TM6SF2: variants seen among roughly 807,000 people sequenced by gnomAD.
The protein encoded by TM6SF2 is transmembrane 6 superfamily member 2.
Under a neutral mutation model 41.0 loss-of-function variants are expected in TM6SF2, and 29 were observed. The ratio of observed to expected loss-of-function variants is 0.71; its 90% confidence interval spans 0.53 to 0.96. The LOEUF is 0.96. Ranked by LOEUF, TM6SF2 falls within the 50% of genes least tolerant of loss-of-function variation. The probability of loss-of-function intolerance (pLI) is 0.00; values close to 1 mark genes in which losing one functional copy is unlikely to be tolerated. For synonymous variants in TM6SF2, 200 were observed against 209.1 expected (o/e 0.96, Z 0.37); for missense variants, 475 against 499.0 (o/e 0.95, Z 0.46).
intron 6 of TM6SF2, 128 bp from the exon 7 acceptor site, chr19:19,268,215 T>G (rs528694697): frequency 1.5e-6 from 1 of 676,190 alleles, no homozygotes; most frequent in Admixed American, 3.3e-5. Context: ...TTTCTTTTTT[T>G]TTTTTTTTGA....
chr19:19,264,954 G>T, intron 9 of TM6SF2, 81 bp from the exon 10 acceptor site: 1 of 1,118,400 alleles, frequency 8.9e-7, no homozygotes, highest in Non-Finnish European at 1.2e-6. Flanking sequence ...CCCCCAGGTA[G>T]GTCAGGCAGA....
At chr19:19,273,058 T>TCCAGGCCCCCCC in intron 1 of TM6SF2, 63 bp downstream of exon 1, 9 of 470,238 alleles carry the variant, frequency 1.9e-5, no homozygotes, top group East Asian at 4.1e-5. Flanking sequence ...CCACCTCCAG[T>TCCAGGCCCCCCC]CCTCCCCGCC....
intron 1 of TM6SF2, 60 bp downstream of exon 1, chr19:19,273,061 T>TCCCCCCCCCCCCCCCCCCCCCCCCTTCC: frequency 3.3e-6 from 1 of 305,470 alleles, no homozygotes; most frequent in Non-Finnish European, 6.1e-6. Flanking sequence ...CCTCCAGTCC[T>TCCCCCCCCCCCCCCCCCCCCCCCCTTCC]CCCCGCCCCC....
At chr19:19,264,896 G>A (rs1477410700) in intron 9 of TM6SF2, 23 bp from the exon 10 acceptor site, 1 of 1,504,294 alleles carries the variant, frequency 6.6e-7, no homozygotes, top group Non-Finnish European at 8.9e-7. Context: ...CAGGGAAGAT[G>A]GATGTCAGGG....
intron 7 of TM6SF2, 77 bp downstream of exon 7, chr19:19,267,909 A>G: frequency 1.6e-6 from 2 of 1,217,214 alleles, no homozygotes; most frequent in Non-Finnish European, 2.4e-6. Context: ...TCAAACAGGA[A>G]GGGCAGTGTG....
At chr19:19,270,492 G>GTGGGGACACGTGTGGT in intron 2 of TM6SF2, 50 bp from the exon 3 acceptor site, 1 of 1,567,484 alleles carries the variant, frequency 6.4e-7, no homozygotes, top group Non-Finnish European at 8.6e-7. Flanking sequence ...ACACGTGTGG[G>GTGGGGACACGTGTGGT]TGGGGCTAGG....
chr19:19,266,345 C>A (rs1267156543), intron 9 of TM6SF2, 145 bp downstream of exon 9: 4 of 1,219,796 alleles, frequency 3.3e-6, no homozygotes, highest in Non-Finnish European at 4.6e-6. Flanking sequence ...CTCCCCTAGA[C>A]TAGGGAATCC....
chr19:19,266,000 G>A (rs1050750972), intron 9 of TM6SF2, among the ~76,000 whole-genome samples: 1 of 152,234 alleles, frequency 6.6e-6, no homozygotes, highest in Non-Finnish European at 1.5e-5. Context: ...TCCTAGCTCT[G>A]ACTGGGCCCC....
At chr19:19,267,770 C>G in intron 7 of TM6SF2, 57 bp from the exon 8 acceptor site, 1 of 1,521,876 alleles carries the variant, frequency 6.6e-7, no homozygotes, top group Non-Finnish European at 9.0e-7. Flanking sequence ...GGAAGCCTCC[C>G]CCACCCTCCC....
intron 5 of TM6SF2, 137 bp downstream of exon 5, chr19:19,269,550 G>C: frequency 9.6e-7 from 1 of 1,047,060 alleles, no homozygotes; most frequent in Non-Finnish European, 1.4e-6. Context: ...GCTGACTGAG[G>C]CTGTGGACAC....
At chr19:19,265,867 C>T (rs1240829858) in intron 9 of TM6SF2, among the ~76,000 whole-genome samples, 1 of 152,186 alleles carries the variant, frequency 6.6e-6, no homozygotes, top group Non-Finnish European at 1.5e-5. Flanking sequence ...GATCCTCCTC[C>T]CAGTCTTCCC....
intron 2 of TM6SF2, 40 bp from the exon 3 acceptor site, chr19:19,270,482 A>G (rs1213284856): frequency 6.3e-7 from 1 of 1,581,974 alleles, no homozygotes. Flanking sequence ...GTGGGAGGGG[A>G]CACGTGTGGG....
chr19:19,271,001 C>T (rs2061021885), intron 2 of TM6SF2, 21 bp downstream of exon 2: 2 of 1,607,806 alleles, frequency 1.2e-6, no homozygotes. Context: ...TCTTCTTCCC[C>T]ACAGCTTCCC....
At chr19:19,269,605 G>A (rs1942142331) in intron 5 of TM6SF2, 82 bp downstream of exon 5, 6 of 1,542,798 alleles carry the variant, frequency 3.9e-6, no homozygotes, top group Middle Eastern at 1.7e-4. Context: ...GGAAGGGATG[G>A]AGGATCCAAT....
intron 1 of TM6SF2, among the ~76,000 whole-genome samples, chr19:19,272,697 GT>G (rs2061028541): frequency 7.6e-6 from 1 of 132,210 alleles, no homozygotes; most frequent in African/African-American, 3.5e-5. Flanking sequence ...AGTAGGGTGT[GT>G]GTGTGTGTGT....
Position 19,264,657 on chromosome 19 carries a change from A to G in TM6SF2, c.*7T>C. 6.7e-7 allele frequency: 1 copy of G among 1,486,284 alleles called. No individual in the cohort carries two copies. Among genetic ancestry groups the G allele is most frequent in the Non-Finnish European group, 9.0e-7 (1 of 1,114,112 alleles). The allele number at this position is 1,486,284 out of a possible 1,614,324, so 92.1% of individuals were successfully genotyped here. A position where few individuals can be genotyped will look rare whatever the true frequency, so the allele number is the denominator to read the frequency against. ...ACAGAGTCCTGGGTCCTGAGTCCAC[A>G]GCTCTCTCAATGCTGCTTCTTGTGG... On this transcript the variant is annotated 3_prime_UTR_variant, in exon 10 of 10. Coordinates refer to ENST00000389363, the MANE Select transcript of TM6SF2 (RefSeq NM_001001524.3).
At chr19:19,272,774 A>T (rs2061029082) in intron 1 of TM6SF2, among the ~76,000 whole-genome samples, 1 of 150,402 alleles carries the variant, frequency 6.6e-6, no homozygotes, top group Admixed American at 6.6e-5. Flanking sequence ...CAATACTTTT[A>T]CCCTTGGTGA....
In TM6SF2 at chr19:19,269,681, C is replaced by A. The variant is rs948250636; in HGVS notation, c.484+6G>T. ...GAACCTGGATTTCCCAAAGCCTTGT[C>A]CTTACCAAGAATGTTTCCTGTAAGG... On this transcript the variant is annotated splice_donor_region_variant and intron_variant, in intron 5 of 9. Transcript: ENST00000389363. 6 of 1,613,960 alleles carry A rather than the reference C, an allele frequency of 3.7e-6. No individual in the cohort carries two copies. The highest frequency in any genetic ancestry group is 1.7e-5 in the Admixed American group (1 of 59,994).
chr19:19,264,476 G>T lies in TM6SF2; in HGVS notation c.*188C>A. ...GAGTTGGAGCATGGTGACAGCTGTGGGAGGCTCTCCTTGCAGGAACACTTG... is the reference window on the plus strand; with the variant it reads ...GAGTTGGAGCATGGTGACAGCTGTGTGAGGCTCTCCTTGCAGGAACACTTG... On this transcript the variant is annotated 3_prime_UTR_variant, in exon 10 of 10. Transcript: ENST00000389363. The T allele has an allele frequency of 2.3e-6, 1 of 439,714 alleles. No individual in the cohort carries two copies. The highest frequency in any genetic ancestry group is 3.9e-6 in the Non-Finnish European group (1 of 257,122). The allele number at this position is 439,714 out of a possible 1,614,324, so 27.2% of individuals were successfully genotyped here. A position where few individuals can be genotyped will look rare whatever the true frequency, so the allele number is the denominator to read the frequency against.
Sources: gnomAD v4.1 joint callset for allele counts (sites outside exome capture counted in the v4.1 genomes callset) on GRCh38, gnomAD v4.1.1 for gene constraint, MANE v1.5 for transcripts, NCBI Gene and HGNC (gene_info 2026-07-23, HGNC 2026-07-21) for gene names.